The following KIFC3 variants were observed in gnomAD, a reference collection of about 807,000 sequenced individuals.
The protein encoded by KIFC3 is kinesin-like protein KIFC3.
Under a neutral mutation model 101.8 loss-of-function variants are expected in KIFC3, and 60 were observed. The observed-to-expected ratio is 0.59, with a 90% CI of 0.48 to 0.73. The LOEUF is 0.73. Among genes scored for constraint, KIFC3 ranks in the 30% least tolerant of loss-of-function variants. The probability of loss-of-function intolerance (pLI) is 0.00; values close to 1 mark genes in which losing one functional copy is unlikely to be tolerated. For synonymous variants in KIFC3, 476 were observed against 482.7 expected (o/e 0.99, Z 0.18); for missense variants, 966 against 1,137.1 (o/e 0.85, Z 2.16).
At chr16:57,822,746 G>A (rs1174850858) in intron 1 of KIFC3, among the ~76,000 whole-genome samples, 1 of 152,020 alleles carries the variant, frequency 6.6e-6, no homozygotes, top group Admixed American at 6.6e-5. Flanking sequence ...AAATGCCAGT[G>A]TCATGAAATA....
chr16:57,794,091 G>A (rs2054103977), intron 3 of KIFC3, among the ~76,000 whole-genome samples: 1 of 152,162 alleles, frequency 6.6e-6, no homozygotes, highest in Non-Finnish European at 1.5e-5. Context: ...AGATTGTTAT[G>A]AGTATGATGA....
chr16:57,758,889 C>A lies in KIFC3; in HGVS notation c.*45G>T, dbSNP rs1003422902. On this transcript the variant is annotated 3_prime_UTR_variant, in exon 20 of 20. Transcript: ENST00000445690. ...GCCCAGCGGGGTCACATCCGTCACA[C>A]AGGCAGTGGCCGCGACTTCCCTGCA... 5 of 1,590,720 alleles carry A rather than the reference C, an allele frequency of 3.1e-6. No homozygotes were observed. Among genetic ancestry groups the A allele is most frequent in the South Asian group, 2.3e-5 (2 of 87,872 alleles).
At chr16:57,793,496 G>T (rs1414127019) in intron 3 of KIFC3, among the ~76,000 whole-genome samples, 1 of 151,784 alleles carries the variant, frequency 6.6e-6, no homozygotes, top group East Asian at 1.9e-4. Flanking sequence ...GGGAGGCTGA[G>T]ACAGGAGAAT....
chr16:57,830,392 C>G (rs2055555206), intron 1 of KIFC3: 4 of 151,936 alleles, frequency 2.6e-5, no homozygotes. Context: ...CACCCGCCAC[C>G]ACGCCCGGCT....
At position 57,769,321 on chromosome 16, in the gene KIFC3, C is replaced by T. The variant is rs1196460340; in HGVS notation, c.1218+274G>A. Reference sequence around the variant, plus strand: ...AAAGTGTTGGAATTACAGGTGTGAGCCACCGCGCCTGGCCTGCATGTTTGA... The same window carrying T: ...AAAGTGTTGGAATTACAGGTGTGAGTCACCGCGCCTGGCCTGCATGTTTGA... On this transcript the variant is annotated intron_variant, in intron 9 of 19. Coordinates refer to ENST00000445690, the MANE Select transcript of KIFC3 (RefSeq NM_001130100.2). This position sits in a 1 kb window ranked among gnomAD's most constrained non-coding sequence, Gnocchi z 4.3. 2.0e-5 allele frequency among the ~76,000 whole-genome samples: 3 copies of T among 152,224 alleles called. No homozygotes were observed. The highest frequency in any genetic ancestry group is 4.4e-5 in the Non-Finnish European group (3 of 68,036).
chr16:57,816,568 T>G (rs2055229881), intron 1 of KIFC3: 1 of 456,610 alleles, frequency 2.2e-6, no homozygotes, highest in African/African-American at 2.0e-5. Context: ...CTGCTCTGAG[T>G]GGCGGAGGAA....
intron 2 of KIFC3, chr16:57,797,730 C>A: frequency 1.7e-6 from 2 of 1,200,304 alleles, no homozygotes; most frequent in Non-Finnish European, 1.0e-6. Context: ...GGGCAGAGAC[C>A]GGAGCTAGCC....
rs782007680 is a variant in KIFC3 at position 57,798,167 on chromosome 16, G to T, written c.77C>A (p.Pro26Gln). 1 of 1,539,756 alleles carries T rather than the reference G, an allele frequency of 6.5e-7. No individual in the cohort carries two copies. Residue 26 changes from proline to glutamine, a missense_variant, in exon 2 of 20, where the codon CCG becomes CAG. Pro to Gln is a moderately conservative substitution (Grantham distance 76). Coordinates refer to ENST00000445690, the MANE Select transcript of KIFC3 (RefSeq NM_001130100.2). ...LRGLWRVGRA[P>Q]EPEPGMARPA... ...GCGAGCCATCCCCGGCTCGGGCTCC[G>T]GGGCCCGGCCCACTCTCCACAGGCC... is the stretch of plus-strand genomic sequence containing the variant.
At chr16:57,793,938 G>T (rs1373965461) in intron 3 of KIFC3, among the ~76,000 whole-genome samples, 2 of 152,178 alleles carry the variant, frequency 1.3e-5, no homozygotes, top group African/African-American at 2.4e-5. Context: ...ACTAAGAGAG[G>T]CAGTTTCTGG....
chr16:57,772,551 G>A (rs989318777), intron 3 of KIFC3, among the ~76,000 whole-genome samples: 2 of 152,154 alleles, frequency 1.3e-5, no homozygotes, highest in African/African-American at 4.8e-5. Context: ...CAGAGGGCAA[G>A]TGCAACCAAG....
intron 10 of KIFC3, 150 bp downstream of exon 10, chr16:57,766,724 A>G: frequency 1.7e-6 from 1 of 596,176 alleles, no homozygotes; most frequent in South Asian, 2.1e-5. Context: ...GCTTTGAGCA[A>G]GTTCCCTGCC....
chr16:57,791,216 C>T (rs1271931509), intron 3 of KIFC3: 2 of 152,226 alleles, frequency 1.3e-5, no homozygotes, highest in Admixed American at 1.3e-4. Context: ...GGTGACAACT[C>T]AAGACTCTGT....
chr16:57,785,747 A>G, intron 3 of KIFC3: 2 of 830,240 alleles, frequency 2.4e-6, no homozygotes, highest in Non-Finnish European at 3.2e-6. Context: ...AGCAAGACAG[A>G]CCACCAGGGA....
At chr16:57,760,458 AG>A (rs1555595263) in intron 16 of KIFC3, 42 bp from the exon 17 acceptor site, 1 of 1,588,794 alleles carries the variant, frequency 6.3e-7, no homozygotes, top group African/African-American at 1.3e-5. Flanking sequence ...GGCCAGCTGG[AG>A]GGGCAACAGG....
chr16:57,771,053 G>A, intron 6 of KIFC3, 145 bp downstream of exon 6: 10 of 1,077,356 alleles, frequency 9.3e-6, no homozygotes, highest in Non-Finnish European at 1.2e-5. Flanking sequence ...AAGGGGAAGG[G>A]GCAGGACCAA....
intron 1 of KIFC3, among the ~76,000 whole-genome samples, chr16:57,823,161 T>G (rs1555630154): frequency 6.6e-6 from 1 of 152,182 alleles, no homozygotes; most frequent in East Asian, 1.9e-4. Flanking sequence ...CTATTCTTCA[T>G]CTGCATGATA....
upstream of KIFC3, among the ~76,000 whole-genome samples, chr16:57,804,102 A>G (rs961684698): frequency 2.0e-5 from 3 of 152,216 alleles, no homozygotes; most frequent in African/African-American, 7.2e-5. Flanking sequence ...CACCAAAGCC[A>G]AAGCCAGATT....
At chr16:57,811,352 T>C (rs2055069148) in intron 1 of KIFC3, among the ~76,000 whole-genome samples, 1 of 152,182 alleles carries the variant, frequency 6.6e-6, no homozygotes, top group Non-Finnish European at 1.5e-5. Flanking sequence ...TGTTATGGTA[T>C]GATAATTATA....
intron 11 of KIFC3, 28 bp from the exon 12 acceptor site, chr16:57,764,275 T>TGGGGGGGTGGGTGGG: frequency 1.9e-6 from 1 of 539,926 alleles, no homozygotes; most frequent in Non-Finnish European, 3.5e-6. Flanking sequence ...GGGAGGCTGG[T>TGGGGGGGTGGGTGGG]GGGGGGGCTT....
Sources: allele counts gnomAD v4.1 joint callset (sites outside exome capture counted in the v4.1 genomes callset), GRCh38; gene constraint gnomAD v4.1.1; non-coding constraint Gnocchi (gnomAD v3.1); transcripts MANE v1.5; gene names NCBI Gene and HGNC (gene_info 2026-07-23, HGNC 2026-07-21).